SH3BP2: variants seen among roughly 807,000 people sequenced by gnomAD.
The protein encoded by SH3BP2 is SH3 domain-binding protein 2.
Under a neutral mutation model 56.2 loss-of-function variants are expected in SH3BP2, and 38 were observed. The observed-to-expected ratio is 0.68, with a 90% CI of 0.52 to 0.89. The LOEUF is 0.89. SH3BP2 is among the 40% of genes least tolerant of loss of function. The pLI is 0.00. For synonymous variants in SH3BP2, 346 were observed against 316.7 expected (o/e 1.09, Z -0.98); for missense variants, 748 against 762.6 (o/e 0.98, Z 0.23).
intron 10 of SH3BP2, 94 bp downstream of exon 10, chr4:2,832,072 T>G: frequency 1.5e-6 from 2 of 1,345,422 alleles, no homozygotes; most frequent in Non-Finnish European, 2.1e-6. Flanking sequence ...GGGGAGTTGC[T>G]GGCACAAGTT....
At position 2,829,799 on chromosome 4, in the gene SH3BP2, G is replaced by A. The variant is rs1042293143; in HGVS notation, c.893G>A (p.Arg298Gln). The change falls in exon 8 of 13, where the codon CGG becomes CAG. Residue 298 changes from arginine (R) to glutamine (Q), a missense_variant. By Grantham distance (43) the Arg-to-Gln change is conservative. Transcript: ENST00000503393. The surrounding 1 kb of genome is among the most constrained non-coding windows in gnomAD (Gnocchi z 4.9). ...APGLRKPPCF[R>Q]ESASPSPEPW... ...GGCCTCCGGAAACCCCCTTGCTTCC[G>A]GGAGAGTGCCAGCCCCAGCCCGGAG... The A allele has an allele frequency of 2.0e-5, 33 of 1,613,126 alleles. No homozygotes were observed. Among genetic ancestry groups the A allele is most frequent in the Admixed American group, 3.3e-5 (2 of 59,998 alleles).
intron 12 of SH3BP2, 70 bp from the exon 13 acceptor site, chr4:2,833,627 G>A (rs994789556): frequency 1.7e-5 from 26 of 1,555,458 alleles, no homozygotes; most frequent in South Asian, 5.9e-5. Flanking sequence ...TTTTACAGAC[G>A]GGGAGACTGA....
At chr4:2,793,663 C>T (rs1219370984) in intron 1 of SH3BP2, 3 of 152,250 alleles carry the variant, frequency 2.0e-5, no homozygotes, top group African/African-American at 7.2e-5. Flanking sequence ...GGCACTCGCT[C>T]TCCGCCCTTC....
intron 1 of SH3BP2, among the ~76,000 whole-genome samples, chr4:2,797,389 G>A (rs1159861210): frequency 6.6e-6 from 1 of 152,162 alleles, no homozygotes; most frequent in Admixed American, 6.5e-5. Flanking sequence ...GCCCAGCCCC[G>A]GGCCCCACTC....
At chr4:2,822,647 T>A (rs1251240655) in intron 2 of SH3BP2, among the ~76,000 whole-genome samples, 2 of 152,248 alleles carry the variant, frequency 1.3e-5, no homozygotes, top group Non-Finnish European at 2.9e-5. Context: ...CCTTGCCTCA[T>A]GCTGGCTCCA....
chr4:2,825,444 A>T (rs1724553455), intron 5 of SH3BP2, among the ~76,000 whole-genome samples: 1 of 151,832 alleles, frequency 6.6e-6, no homozygotes, highest in Admixed American at 6.6e-5. Context: ...CAACACGCGG[A>T]CATGCACACA....
chr4:2,826,726 G>A (rs1724669456), intron 5 of SH3BP2: 1 of 360,940 alleles, frequency 2.8e-6, no homozygotes, highest in Admixed American at 3.6e-5. Context: ...ATGTTGCTCT[G>A]TGTGTGTGCA....
At chr4:2,797,260 A>G (rs984415459) in intron 1 of SH3BP2, among the ~76,000 whole-genome samples, 1 of 152,134 alleles carries the variant, frequency 6.6e-6, no homozygotes, top group Admixed American at 6.5e-5. Flanking sequence ...GGGAGCCTGG[A>G]ATGCTGGGCG....
intron 11 of SH3BP2, 115 bp from the exon 12 acceptor site, chr4:2,832,875 A>C: frequency 1.9e-6 from 2 of 1,038,110 alleles, no homozygotes; most frequent in Non-Finnish European, 3.0e-6. Flanking sequence ...CCGCCCCCCG[A>C]GGGCCACAGG....
At chr4:2,801,528 C>T (rs990535003) in intron 1 of SH3BP2, among the ~76,000 whole-genome samples, 2 of 152,176 alleles carry the variant, frequency 1.3e-5, no homozygotes, top group Non-Finnish European at 2.9e-5. Flanking sequence ...CCAGAGACCC[C>T]GGCCTGGGAG....
In SH3BP2 at chr4:2,831,967, C is replaced by T. The variant is rs150049888; in HGVS notation, c.1395C>T (p.Cys465=). The T allele has an allele frequency of 1.9e-4, 302 of 1,612,862 alleles. No individual in the cohort carries two copies. Among genetic ancestry groups the T allele is most frequent in the Middle Eastern group, 3.3e-4 (2 of 6,084 alleles). ...TCTTCGTCAACACCACGGAGTCCTGCGAAGTGGAAAGGTCAGCACAAAGCC... is the reference window on the plus strand; with the variant it reads ...TCTTCGTCAACACCACGGAGTCCTGTGAAGTGGAAAGGTCAGCACAAAGCC... ...NSVFVNTTES[C]EVERLFKATS... Residue 465 remains cysteine, a synonymous_variant, in exon 10 of 13, where the codon TGC becomes TGT. Transcript: ENST00000503393. The surrounding 1 kb of genome is among the most constrained non-coding windows in gnomAD (Gnocchi z 4.1).
At chr4:2,795,661 G>C (rs113405180) in intron 1 of SH3BP2, among the ~76,000 whole-genome samples, 7,918 of 152,296 alleles carry the variant, frequency 0.052, 264 homozygotes, top group South Asian at 0.11. Context: ...AGGGTGGGCC[G>C]TCAGGAGGAG....
At chr4:2,812,191 A>G in intron 1 of SH3BP2, 1 of 1,447,312 alleles carries the variant, frequency 6.9e-7, no homozygotes, top group Non-Finnish European at 9.1e-7. Flanking sequence ...TCAGGACCTC[A>G]CAGGGTAGAA....
In SH3BP2 at chr4:2,831,782, AC is replaced by A; in HGVS notation, c.1350+109del. 7.5e-7 allele frequency: 1 copy of A among 1,341,994 alleles called. No individual in the cohort carries two copies. Among genetic ancestry groups the A allele is most frequent in the Non-Finnish European group, 1.0e-6 (1 of 955,916 alleles). The allele number at this position is 1,341,994 out of a possible 1,614,324, so 83.1% of individuals were successfully genotyped here. On this transcript the variant is annotated intron_variant, in intron 9 of 12. Transcript: ENST00000503393. This position sits in a 1 kb window ranked among gnomAD's most constrained non-coding sequence, Gnocchi z 4.1. ...CCCTCACAGACCGTCCTGAGCAAGG[AC>A]CCCCCGAGAACCCGGGAGCCTAGGG...
chr4:2,833,399 A>G, intron 12 of SH3BP2: 1 of 575,728 alleles, frequency 1.7e-6, no homozygotes. Context: ...TCGGCCTCCC[A>G]CAGTGCTGGG....
intron 5 of SH3BP2, 42 bp from the exon 6 acceptor site, chr4:2,827,188 G>A (rs751246291): frequency 3.9e-6 from 6 of 1,555,636 alleles, no homozygotes; most frequent in Non-Finnish European, 5.3e-6. Context: ...GACCTCCCAG[G>A]CCTGGTGCTC....
intron 1 of SH3BP2, chr4:2,799,374 C>G: frequency 1.2e-6 from 1 of 864,138 alleles, no homozygotes; most frequent in Non-Finnish European, 1.4e-6. Flanking sequence ...CTGAGCCATC[C>G]TGGGGTCCTG....
chr4:2,824,866 G>GGACACA (rs1724512393), intron 4 of SH3BP2, 136 bp downstream of exon 4: 4 of 744,776 alleles, frequency 5.4e-6, no homozygotes, highest in Non-Finnish European at 9.2e-6. Context: ...GGTGTGGCTG[G>GGACACA]GACACAGGCA....
At position 2,833,578 on chromosome 4, in the gene SH3BP2, G is replaced by A. The variant is rs1725117246; in HGVS notation, c.1549-119G>A. The A allele has an allele frequency of 7.3e-6, 10 of 1,363,632 alleles. No homozygotes were observed. The East Asian group carries it at 2.5e-4, about 34-fold the overall frequency. 84.5% of individuals were successfully genotyped at this position (1,363,632 alleles called of 1,614,324 possible). ...CTTGGGGGCACCACCGACAGCCAGG[G>A]GCCAGCCTGGTGATGCCGCTGTTGA... On this transcript the variant is annotated intron_variant, in intron 12 of 12. Coordinates refer to ENST00000503393, the MANE Select transcript of SH3BP2 (RefSeq NM_001122681.2).
Sources: allele counts gnomAD v4.1 joint callset (sites outside exome capture counted in the v4.1 genomes callset), GRCh38; gene constraint gnomAD v4.1.1; non-coding constraint Gnocchi (gnomAD v3.1); transcripts MANE v1.5; gene names NCBI Gene and HGNC (gene_info 2026-07-23, HGNC 2026-07-21).